HS3ST4: variants seen among roughly 807,000 people sequenced by gnomAD.
HS3ST4 encodes heparan sulfate glucosamine 3-O-sulfotransferase 4.
A neutral mutation model predicts 29.2 loss-of-function variants in HS3ST4; 17 were observed. The observed-to-expected ratio is 0.58, with a 90% CI of 0.40 to 0.87. The LOEUF (loss-of-function observed/expected upper bound fraction) is 0.87, where lower values mean the gene tolerates loss of function less well. Among genes scored for constraint, HS3ST4 ranks in the 40% least tolerant of loss-of-function variants. HS3ST4 has a pLI of 0.00. For synonymous variants in HS3ST4, 314 were observed against 285.7 expected (o/e 1.10, Z -1.00); for missense variants, 627 against 634.5 (o/e 0.99, Z 0.13).
At chr16:25,957,861 T>G (rs9940383) in intron 1 of HS3ST4, among the ~76,000 whole-genome samples, 113,959 of 146,622 alleles carry the variant, frequency 0.78, 43,672 homozygotes, top group African/African-American at 0.92. Context: ...AGACAGACAG[T>G]TGGCTGCTGG....
At chr16:25,787,651 A>G (rs1966859608) in intron 1 of HS3ST4, among the ~76,000 whole-genome samples, 2 of 152,238 alleles carry the variant, frequency 1.3e-5, no homozygotes, top group Non-Finnish European at 2.9e-5. Flanking sequence ...AATCAAAAAT[A>G]GAGGAAGCCA....
At chr16:26,090,516 G>A (rs1392613870) in intron 1 of HS3ST4, among the ~76,000 whole-genome samples, 4 of 151,846 alleles carry the variant, frequency 2.6e-5, no homozygotes. Context: ...AATTTCCCAT[G>A]GGAGTGGGCT....
intron 1 of HS3ST4, among the ~76,000 whole-genome samples, chr16:26,009,449 A>G (rs1036916488): frequency 2.6e-5 from 4 of 152,198 alleles, no homozygotes; most frequent in Non-Finnish European, 5.9e-5. Flanking sequence ...TAATGGGTGC[A>G]TATTGGTTTT....
At chr16:26,118,869 A>G (rs1045119301) in intron 1 of HS3ST4, among the ~76,000 whole-genome samples, 16 of 152,202 alleles carry the variant, frequency 1.1e-4, no homozygotes, top group African/African-American at 3.6e-4. Flanking sequence ...CTCGTAATCC[A>G]TGAAAAGGGA....
At chr16:25,892,530 T>C (rs1567266290) in intron 1 of HS3ST4, among the ~76,000 whole-genome samples, 1 of 152,138 alleles carries the variant, frequency 6.6e-6, no homozygotes, top group Non-Finnish European at 1.5e-5. Context: ...AGAGAATGGA[T>C]GAGTTGAAAC....
chr16:25,968,608 A>G (rs28507398), intron 1 of HS3ST4, among the ~76,000 whole-genome samples: 36,035 of 152,046 alleles, frequency 0.24, 4,611 homozygotes, highest in East Asian at 0.44. Flanking sequence ...AATGGGTTCT[A>G]GATCCAGTTT....
chr16:25,891,213 C>T (rs1968004591), intron 1 of HS3ST4, among the ~76,000 whole-genome samples: 2 of 152,182 alleles, frequency 1.3e-5, no homozygotes, highest in Non-Finnish European at 2.9e-5. Context: ...TGTTCAGAGG[C>T]TGAGTTCTAT....
chr16:25,777,950 G>A (rs1966849150), intron 1 of HS3ST4, among the ~76,000 whole-genome samples: 1 of 152,122 alleles, frequency 6.6e-6, no homozygotes, highest in Admixed American at 6.5e-5. Context: ...GAAATAGATA[G>A]ACACACATGG....
chr16:25,713,691 G>A (rs180707072), intron 1 of HS3ST4, among the ~76,000 whole-genome samples: 3 of 152,234 alleles, frequency 2.0e-5, no homozygotes, highest in East Asian at 1.9e-4. Context: ...TCCATGGCTC[G>A]GAGCACTGAA....
At chr16:25,746,399 G>A (rs1210618640) in intron 1 of HS3ST4, among the ~76,000 whole-genome samples, 1 of 152,144 alleles carries the variant, frequency 6.6e-6, no homozygotes, top group East Asian at 1.9e-4. Flanking sequence ...CTTGAGTAAA[G>A]CCATCAATGT....
At chr16:25,932,324 T>C (rs1433027323) in intron 1 of HS3ST4, among the ~76,000 whole-genome samples, 2 of 152,100 alleles carry the variant, frequency 1.3e-5, no homozygotes, top group Non-Finnish European at 2.9e-5. Flanking sequence ...TAAAAAGAAA[T>C]GTTCATCTCT....
chr16:25,868,062 A>G (rs1967713834), intron 1 of HS3ST4, among the ~76,000 whole-genome samples: 1 of 152,120 alleles, frequency 6.6e-6, no homozygotes. Flanking sequence ...AAGGCAATAA[A>G]GGCCCTAGGA....
chr16:25,961,515 A>G (rs182430068), intron 1 of HS3ST4, among the ~76,000 whole-genome samples: 1 of 152,306 alleles, frequency 6.6e-6, no homozygotes, highest in East Asian at 1.9e-4. Context: ...ATCTCTTGCC[A>G]GACAATGGGC....
At chr16:25,728,717 A>G (rs1024756877) in intron 1 of HS3ST4, among the ~76,000 whole-genome samples, 1 of 152,252 alleles carries the variant, frequency 6.6e-6, no homozygotes, top group Non-Finnish European at 1.5e-5. Context: ...CCAACACTCC[A>G]GAAGAGTCTC....
chr16:25,831,695 C>T (rs982814796), intron 1 of HS3ST4, among the ~76,000 whole-genome samples: 7 of 152,102 alleles, frequency 4.6e-5, no homozygotes, highest in Non-Finnish European at 1.0e-4. Flanking sequence ...CTGTTATGCC[C>T]ATTGTTCTAA....
chr16:26,003,312 G>T (rs1325239228), intron 1 of HS3ST4, among the ~76,000 whole-genome samples: 1 of 152,088 alleles, frequency 6.6e-6, no homozygotes, highest in Non-Finnish European at 1.5e-5. Flanking sequence ...CTGCAATGAG[G>T]GTTAATTGAT....
At chr16:25,998,162 T>A (rs916242182) in intron 1 of HS3ST4, among the ~76,000 whole-genome samples, 1 of 152,090 alleles carries the variant, frequency 6.6e-6, no homozygotes, top group Non-Finnish European at 1.5e-5. Flanking sequence ...GTCCCTGTAG[T>A]CCCAGTTACT....
intron 1 of HS3ST4, among the ~76,000 whole-genome samples, chr16:25,817,882 A>T (rs917011475): frequency 6.6e-6 from 1 of 152,214 alleles, no homozygotes; most frequent in African/African-American, 2.4e-5. Flanking sequence ...TCACAATCAC[A>T]TATTTGTTAC....
intron 1 of HS3ST4, among the ~76,000 whole-genome samples, chr16:25,770,009 C>G (rs1320192957): frequency 2.0e-5 from 3 of 152,094 alleles, no homozygotes; most frequent in Non-Finnish European, 4.4e-5. Context: ...TTTTTTACCC[C>G]ACTTCTAAGT....
Sources: allele counts gnomAD v4.1 joint callset (sites outside exome capture counted in the v4.1 genomes callset), GRCh38; gene constraint gnomAD v4.1.1; transcripts MANE v1.5; gene names NCBI Gene and HGNC (gene_info 2026-07-23, HGNC 2026-07-21).